The following PTBP3 variants were observed in gnomAD, a reference collection of about 807,000 sequenced individuals.
PTBP3 encodes polypyrimidine tract binding protein 3.
In PTBP3, 20 loss-of-function variants were observed where a neutral mutation model predicts 58.7. That is an observed-to-expected ratio of 0.34 (90% CI 0.24 to 0.50). PTBP3 has a LOEUF of 0.50. Ranked by LOEUF, PTBP3 falls within the 20% of genes least tolerant of loss-of-function variation. The probability of loss-of-function intolerance (pLI) is 0.98; values close to 1 mark genes in which losing one functional copy is unlikely to be tolerated. For missense variants in PTBP3, 509 were observed against 637.2 expected, an observed-to-expected ratio of 0.80 and a Z score of 2.17; for synonymous variants, 185 against 219.8, an observed-to-expected ratio of 0.84 and a Z score of 1.40.
At chr9:112,290,685 A>AT (rs1211742650) in intron 2 of PTBP3, among the ~76,000 whole-genome samples, 3 of 38,410 alleles carry the variant, frequency 7.8e-5, no homozygotes, top group East Asian at 5.6e-4. Context: ...AAAAAAAAAA[A>AT]AAATATATAT....
At chr9:112,230,271 A>C (rs2131969800) in intron 10 of PTBP3, among the ~76,000 whole-genome samples, 1 of 152,248 alleles carries the variant, frequency 6.6e-6, no homozygotes, top group East Asian at 1.9e-4. Context: ...GACTACAGTG[A>C]GCTATGATCA....
At chr9:112,268,860 C>T (rs567398422) in intron 3 of PTBP3, among the ~76,000 whole-genome samples, 9 of 151,910 alleles carry the variant, frequency 5.9e-5, no homozygotes, top group South Asian at 2.1e-4. Flanking sequence ...CCATTGTAAA[C>T]GGATGCTTTC....
chr9:112,271,462 T>C (rs893172959), intron 3 of PTBP3, among the ~76,000 whole-genome samples: 3 of 152,206 alleles, frequency 2.0e-5, no homozygotes, highest in Non-Finnish European at 4.4e-5. Flanking sequence ...GGCTCACGCC[T>C]ATGATCCCAA....
chr9:112,355,518 C>T, the PTBP3 span, among the ~76,000 whole-genome samples: 1 of 152,254 alleles, frequency 6.6e-6, no homozygotes, highest in East Asian at 1.9e-4. Context: ...TGATATGACA[C>T]TCCATTTCAT....
upstream of PTBP3, among the ~76,000 whole-genome samples, chr9:112,333,922 T>C (rs1830501696): frequency 6.9e-6 from 1 of 145,704 alleles, no homozygotes; most frequent in Admixed American, 6.8e-5. Context: ...TGCTTCCCGC[T>C]CCGCCGCGCA....
chr9:112,377,436 C>T, the PTBP3 span, among the ~76,000 whole-genome samples: 1 of 152,180 alleles, frequency 6.6e-6, no homozygotes, highest in Non-Finnish European at 1.5e-5. Flanking sequence ...ACAGGGAAGC[C>T]ACCTACAATG....
At chr9:112,366,109 CCA>C in the PTBP3 span, among the ~76,000 whole-genome samples, 21,467 of 151,732 alleles carry the variant, frequency 0.14, 2,092 homozygotes, top group East Asian at 0.24. Flanking sequence ...ATGGTGAAAC[CCA>C]GTCTCTACTA....
chr9:112,279,875 T>C (rs1036363886), intron 2 of PTBP3, among the ~76,000 whole-genome samples: 1 of 151,062 alleles, frequency 6.6e-6, no homozygotes, highest in Non-Finnish European at 1.5e-5. Context: ...GACACCTTTA[T>C]CCCTAAGTAC....
At chr9:112,325,303 C>G (rs1462842896) in intron 1 of PTBP3, among the ~76,000 whole-genome samples, 1 of 152,192 alleles carries the variant, frequency 6.6e-6, no homozygotes, top group East Asian at 1.9e-4. Context: ...CAACGTGGAG[C>G]GGCTCAGACT....
the PTBP3 span, among the ~76,000 whole-genome samples, chr9:112,370,716 T>C: frequency 6.6e-6 from 1 of 152,200 alleles, no homozygotes; most frequent in African/African-American, 2.4e-5. Context: ...GTAGATTGCT[T>C]TGAGGAGTAT....
chr9:112,243,010 T>C (rs1478929778), intron 7 of PTBP3, among the ~76,000 whole-genome samples: 1 of 152,206 alleles, frequency 6.6e-6, no homozygotes, highest in African/African-American at 2.4e-5. Flanking sequence ...TGAAAATCAA[T>C]TGACCACATC....
In PTBP3 at chr9:112,256,286, TATATATAC is replaced by T. The variant is rs1473999471; in HGVS notation, c.517-3506_517-3499del. ...AAAAAAAACAAAATATATATATATA[TATATATAC>T]ATATATATATATATATTTATCTATC... On this transcript the variant is annotated intron_variant, in intron 5 of 13. Coordinates refer to ENST00000374257, the MANE Select transcript of PTBP3 (RefSeq NM_001163788.4). Among the ~76,000 whole-genome samples the T allele has an allele frequency of 5.0e-5, 7 of 139,616 alleles. No homozygotes were observed. The South Asian group carries it at 6.6e-4, about 13-fold the overall frequency. The allele number at this position is 139,616 out of a possible 152,430, so 91.6% of individuals were successfully genotyped here.
chr9:112,298,612 A>G (rs754872928), intron 1 of PTBP3: 1 of 498,044 alleles, frequency 2.0e-6, no homozygotes, highest in South Asian at 1.5e-5. Flanking sequence ...CCTATTTTAA[A>G]TAGTACTATT....
chr9:112,246,692 C>CAAAAAA (rs1264620462), intron 7 of PTBP3, among the ~76,000 whole-genome samples: 4 of 107,222 alleles, frequency 3.7e-5, no homozygotes, highest in East Asian at 5.2e-4. Flanking sequence ...GACTCTGTCT[C>CAAAAAA]AAAAAAAAAA....
At chr9:112,310,379 A>G (rs953626513) in intron 1 of PTBP3, among the ~76,000 whole-genome samples, 9 of 152,206 alleles carry the variant, frequency 5.9e-5, no homozygotes, top group Admixed American at 1.3e-4. Context: ...TTCCTCTAAA[A>G]AGCCTTCTAA....
At chr9:112,362,778 AC>A in the PTBP3 span, 2 of 268,500 alleles carry the variant, frequency 7.4e-6, no homozygotes, top group South Asian at 4.6e-5. Context: ...AAGTTCATTC[AC>A]CACCAGTCAG....
At chr9:112,329,232 G>GA (rs2132483320) in intron 1 of PTBP3, among the ~76,000 whole-genome samples, 1 of 152,204 alleles carries the variant, frequency 6.6e-6, no homozygotes, top group African/African-American at 2.4e-5. Context: ...GCAACGTGTC[G>GA]AAACCCCGTC....
chr9:112,321,776 C>A (rs778089929), intron 1 of PTBP3, among the ~76,000 whole-genome samples: 2 of 152,068 alleles, frequency 1.3e-5, no homozygotes, highest in Non-Finnish European at 2.9e-5. Context: ...AAGTAAGAAA[C>A]CCTCAGAGCC....
intron 12 of PTBP3, among the ~76,000 whole-genome samples, chr9:112,225,345 G>A (rs1316564378): frequency 6.6e-6 from 1 of 151,872 alleles, no homozygotes; most frequent in Non-Finnish European, 1.5e-5. Context: ...TTACTTCAAA[G>A]GTTATTATGG....
Sources: allele counts gnomAD v4.1 joint callset (sites outside exome capture counted in the v4.1 genomes callset), GRCh38; gene constraint gnomAD v4.1.1; transcripts MANE v1.5; gene names NCBI Gene and HGNC (gene_info 2026-07-23, HGNC 2026-07-21).